Variants in UTP18 observed in about 807,000 individuals in gnomAD.
UTP18 encodes the protein U3 small nucleolar RNA-associated protein 18 homolog.
UTP18 carries 36 observed loss-of-function variants against 61.1 expected under a neutral mutation model. That is an observed-to-expected ratio of 0.59 (90% CI 0.45 to 0.78). The LOEUF is 0.78. UTP18 is among the 30% of genes least tolerant of loss of function. The probability of loss-of-function intolerance (pLI) is 0.00; values close to 1 mark genes in which losing one functional copy is unlikely to be tolerated. For missense variants in UTP18, 753 were observed against 693.9 expected (o/e 1.09, Z -0.96); for synonymous variants, 282 against 251.1 (o/e 1.12, Z -1.16).
chr17:51,286,363 C>A (rs1345282419), intron 10 of UTP18: 9 of 399,514 alleles, frequency 2.3e-5, no homozygotes, highest in Non-Finnish European at 4.5e-5. Context: ...TTTCTTAGAC[C>A]AAACACAATT....
At position 51,290,948 on chromosome 17, in the gene UTP18, G is replaced by A. The variant is rs113543154; in HGVS notation, c.1503+2745G>A. 1.2e-4 allele frequency among the ~76,000 whole-genome samples: 18 copies of A among 152,308 alleles called. 2 individuals carry two copies. Among genetic ancestry groups the A allele is most frequent in the African/African-American group, 4.3e-4 (18 of 41,568 alleles). Reference sequence around the variant, plus strand: ...AAAGCACTGTGAATTTAAGCTGTTGGACTAGTAGGAGACTCAGAAGTCAAA... The same window carrying A: ...AAAGCACTGTGAATTTAAGCTGTTGAACTAGTAGGAGACTCAGAAGTCAAA... On this transcript the variant is annotated intron_variant, in intron 11 of 13. Transcript: ENST00000225298.
chr17:51,273,201 T>G (rs1598477534), intron 4 of UTP18, among the ~76,000 whole-genome samples, 161 bp from the exon 5 acceptor site: 1 of 134,092 alleles, frequency 7.5e-6, no homozygotes, highest in Non-Finnish European at 1.6e-5. Context: ...TTTTTTTTTT[T>G]CCTGTTTTGC....
Position 51,293,938 on chromosome 17 carries a change from C to T in UTP18, c.1539C>T (p.Phe513=), listed in dbSNP as rs769633038. The change falls in exon 12 of 14, where the codon TTC becomes TTT. Residue 513 remains phenylalanine (F), a synonymous_variant. Coordinates refer to ENST00000225298, the MANE Select transcript of UTP18 (RefSeq NM_016001.3). ...CTTCCTGTACAGTATTTTCAAACTT[C>T]CCAGTCATTAAAAATAAGAATATTT... The part of the protein sequence containing the change: ...HLPSCTVFSN[F]PVIKNKNISH... 1 of 1,602,536 alleles carries T rather than the reference C, an allele frequency of 6.2e-7. No homozygotes were observed. Among genetic ancestry groups the T allele is most frequent in the South Asian group, 1.1e-5 (1 of 88,868 alleles).
intron 11 of UTP18, among the ~76,000 whole-genome samples, 169 bp from the exon 12 acceptor site, chr17:51,293,733 AG>A (rs1054406413): frequency 2.0e-5 from 3 of 152,338 alleles, no homozygotes; most frequent in South Asian, 2.1e-4. Context: ...TAATAAAAAA[AG>A]ATCAAACTTA....
At chr17:51,273,247 G>T (rs1427576579) in intron 4 of UTP18, 115 bp from the exon 5 acceptor site, 5 of 606,098 alleles carry the variant, frequency 8.2e-6, no homozygotes, top group African/African-American at 3.9e-5. Context: ...AGCAATTGAG[G>T]TAGGGAGGCT....
At chr17:51,274,774 A>T (rs1598478298) in intron 5 of UTP18, among the ~76,000 whole-genome samples, 1 of 151,698 alleles carries the variant, frequency 6.6e-6, no homozygotes. Context: ...TTCTTATTAC[A>T]CCATGGCAGG....
chr17:51,274,875 T>C (rs962870166), intron 5 of UTP18, among the ~76,000 whole-genome samples: 2 of 152,048 alleles, frequency 1.3e-5, no homozygotes, highest in African/African-American at 4.8e-5. Flanking sequence ...TTTAGCTCTT[T>C]ACGGGTGAAT....
intron 2 of UTP18, among the ~76,000 whole-genome samples, chr17:51,264,785 C>T (rs556239144): frequency 1.2e-3 from 177 of 151,440 alleles, no homozygotes; most frequent in African/African-American, 4.0e-3. Flanking sequence ...CAGGTTCAAG[C>T]GATTCTCCTG....
At position 51,265,798 on chromosome 17, in the gene UTP18, G is replaced by A. The variant is rs1368176618; in HGVS notation, c.456-384G>A. ...AAGATGGTCTGGATCTCTTGACCTCGTGATCCACCTGCCTCAGCCTCTCAA... is the reference window on the plus strand; with the variant it reads ...AAGATGGTCTGGATCTCTTGACCTCATGATCCACCTGCCTCAGCCTCTCAA... On this transcript the variant is annotated intron_variant, in intron 2 of 13. Coordinates refer to ENST00000225298, the MANE Select transcript of UTP18 (RefSeq NM_016001.3). Among the ~76,000 whole-genome samples, 3 of 152,106 alleles carry A rather than the reference G, an allele frequency of 2.0e-5. No individual in the cohort carries two copies. In the East Asian group the frequency reaches 5.8e-4, roughly 29 times the overall value.
At chr17:51,295,294 T>C (rs374344490) in intron 12 of UTP18, among the ~76,000 whole-genome samples, 5,466 of 152,226 alleles carry the variant, frequency 0.036, 205 homozygotes, top group African/African-American at 0.096. Flanking sequence ...TCCTGAATGG[T>C]ATTGCCTAGG....
chr17:51,269,294 C>CAAAAAAAAAAAAAAA (rs58681434), intron 4 of UTP18, among the ~76,000 whole-genome samples: 1 of 66,652 alleles, frequency 1.5e-5, no homozygotes, highest in Non-Finnish European at 2.5e-5. Flanking sequence ...GACTCTGTCT[C>CAAAAAAAAAAAAAAA]AAAAAAAAAA....
intron 2 of UTP18, among the ~76,000 whole-genome samples, chr17:51,263,909 C>G (rs962588290): frequency 2.6e-5 from 4 of 151,898 alleles, no homozygotes; most frequent in African/African-American, 9.7e-5. Flanking sequence ...CATAAAGTTA[C>G]TTTGTAAACA....
Position 51,263,351 on chromosome 17 carries a change from A to T in UTP18, c.420A>T (p.Pro140=), listed in dbSNP as rs1473086726. 6.2e-7 allele frequency: 1 copy of T among 1,614,242 alleles called. No homozygotes were observed. Among genetic ancestry groups the T allele is most frequent in the Non-Finnish European group, 8.5e-7 (1 of 1,180,024 alleles). The change falls in exon 2 of 14, where the codon CCA becomes CCT. Residue 140 remains proline, a synonymous_variant. Coordinates refer to ENST00000225298, the MANE Select transcript of UTP18 (RefSeq NM_016001.3). ...AKGNFPPQKK[P]VWVDEEDEDE... is the part of the protein sequence containing the mutation. ...GTAATTTTCCACCTCAAAAGAAGCC[A>T]GTTTGGGTGGATGAAGAAGATGAAG...
chr17:51,260,610 T>G lies in UTP18; in HGVS notation c.26T>G (p.Met9Arg). Residue 9 changes from methionine to arginine, a missense_variant, in exon 1 of 14, where the codon ATG becomes AGG. Coordinates refer to ENST00000225298, the MANE Select transcript of UTP18 (RefSeq NM_016001.3). MPPERRRRMKLDRRTGAKP... is the reference protein window; with the variant it reads MPPERRRRRKLDRRTGAKP... ...ATGCCGCCGGAGCGGAGGAGACGAA[T>G]GAAACTGGACCGGAGAACCGGAGCG... 1.2e-6 allele frequency: 2 copies of G among 1,612,500 alleles called. No homozygotes were observed. The highest frequency in any genetic ancestry group is 1.7e-6 in the Non-Finnish European group (2 of 1,179,662).
At chr17:51,286,978 T>TCCCCCCC (rs11397806) in intron 10 of UTP18, among the ~76,000 whole-genome samples, 4 of 123,454 alleles carry the variant, frequency 3.2e-5, no homozygotes, top group South Asian at 2.7e-4. Context: ...CCCTCCCCCT[T>TCCCCCCC]CCCCCCCCGA....
chr17:51,279,094 T>A (rs1904825926), intron 7 of UTP18, among the ~76,000 whole-genome samples: 1 of 152,188 alleles, frequency 6.6e-6, no homozygotes, highest in South Asian at 2.1e-4. Context: ...TAACTTAAAA[T>A]TTTAAAAATA....
intron 1 of UTP18, among the ~76,000 whole-genome samples, chr17:51,262,605 G>A (rs575878007): frequency 3.3e-5 from 5 of 151,792 alleles, no homozygotes; most frequent in Non-Finnish European, 5.9e-5. Flanking sequence ...ACAATTCTCC[G>A]AACACTTTAA....
chr17:51,260,622 G>A lies in UTP18; in HGVS notation c.38G>A (p.Arg13Gln). The A allele has an allele frequency of 6.2e-7, 1 of 1,612,656 alleles. No individual in the cohort carries two copies. The highest frequency in any genetic ancestry group is 8.5e-7 in the Non-Finnish European group (1 of 1,179,710). The change falls in exon 1 of 14, where the codon CGG becomes CAG. Residue 13 changes from arginine (R) to glutamine (Q), a missense_variant. Coordinates refer to ENST00000225298, the MANE Select transcript of UTP18 (RefSeq NM_016001.3). Reference protein sequence around the residue: ...PERRRRMKLDRRTGAKPKRKP... With the variant: ...PERRRRMKLDQRTGAKPKRKP... ...CGGAGGAGACGAATGAAACTGGACC[G>A]GAGAACCGGAGCGAAGCCGAAGCGG... is the stretch of plus-strand genomic sequence containing the variant.
intron 12 of UTP18, among the ~76,000 whole-genome samples, chr17:51,294,822 G>C (rs1165739477): frequency 6.6e-6 from 1 of 152,102 alleles, no homozygotes; most frequent in African/African-American, 2.4e-5. Flanking sequence ...CCCACCAACA[G>C]TGTAAAAGTG....
Sources: gnomAD v4.1 joint callset for allele counts (sites outside exome capture counted in the v4.1 genomes callset) on GRCh38, gnomAD v4.1.1 for gene constraint, MANE v1.5 for transcripts, NCBI Gene and HGNC (gene_info 2026-07-23, HGNC 2026-07-21) for gene names.